CNIH3: variants seen among roughly 807,000 people sequenced by gnomAD.
CNIH3 encodes cornichon family AMPA receptor auxiliary protein 3.
CNIH3 carries 14 observed loss-of-function variants against 24.1 expected under a neutral mutation model. That is an observed-to-expected ratio of 0.58 (90% CI 0.38 to 0.91). CNIH3 has a LOEUF of 0.91. Ranked by LOEUF, CNIH3 falls within the 40% of genes least tolerant of loss-of-function variation. CNIH3 has a pLI of 0.00. For missense variants in CNIH3, 178 were observed against 196.8 expected, an observed-to-expected ratio of 0.90 and a Z score of 0.57; for synonymous variants, 68 against 73.8, an observed-to-expected ratio of 0.92 and a Z score of 0.40.
intron 1 of CNIH3, among the ~76,000 whole-genome samples, chr1:224,644,485 C>T (rs1684506709): frequency 6.6e-6 from 1 of 152,128 alleles, no homozygotes; most frequent in African/African-American, 2.4e-5. Flanking sequence ...CAGGTGATGT[C>T]TGAGGCGATG....
chr1:224,735,878 C>A (rs1483015426), intron 5 of CNIH3, among the ~76,000 whole-genome samples: 5 of 151,868 alleles, frequency 3.3e-5, no homozygotes, highest in Admixed American at 3.3e-4. Context: ...GTTGCCCAGG[C>A]AGGTCTTGAA....
Position 224,536,179 on chromosome 1 carries a change from T to G in CNIH3, n.344-757T>G, listed in dbSNP as rs1034292561. Reference sequence around the variant, plus strand: ...TACCCCTCCCCACCTTTGATTTGACTTTCCAAGGATATGCCTAGTAGAAAA... The same window carrying G: ...TACCCCTCCCCACCTTTGATTTGACGTTCCAAGGATATGCCTAGTAGAAAA... On this transcript the variant is annotated intron_variant and non_coding_transcript_variant, in intron 2 of 2. Coordinates refer to the CNIH3 transcript ENST00000470602. Among the ~76,000 whole-genome samples the G allele has an allele frequency of 5.3e-5, 8 of 152,108 alleles. 1 individual carries two copies. Among genetic ancestry groups the G allele is most frequent in the Non-Finnish European group, 1.2e-4 (8 of 68,008 alleles).
intron 1 of CNIH3, among the ~76,000 whole-genome samples, chr1:224,503,792 G>A (rs913201802): frequency 7.2e-5 from 11 of 152,242 alleles, no homozygotes; most frequent in African/African-American, 2.4e-4. Context: ...AGGGATTGCC[G>A]TGGGAGTGCC....
At chr1:224,559,826 C>T (rs1680289635) in intron 3 of CNIH3, among the ~76,000 whole-genome samples, 2 of 152,118 alleles carry the variant, frequency 1.3e-5, no homozygotes. Context: ...GTAGGCCCTG[C>T]ATACCCCTCC....
At chr1:224,580,944 G>A (rs1681250491) in intron 4 of CNIH3, among the ~76,000 whole-genome samples, 1 of 152,134 alleles carries the variant, frequency 6.6e-6, no homozygotes, top group African/African-American at 2.4e-5. Context: ...GGGTAGATGA[G>A]GACAATTCTA....
At chr1:224,571,656 C>T (rs776680125) in intron 4 of CNIH3, among the ~76,000 whole-genome samples, 14 of 151,980 alleles carry the variant, frequency 9.2e-5, no homozygotes, top group East Asian at 1.9e-4. Context: ...ACCTAGGAGG[C>T]GGAGGTTGCA....
At chr1:224,566,703 A>AT (rs1456805070) in intron 4 of CNIH3, among the ~76,000 whole-genome samples, 1 of 152,082 alleles carries the variant, frequency 6.6e-6, no homozygotes, top group Admixed American at 6.6e-5. Flanking sequence ...TGAACTCATC[A>AT]TTTTTTATGG....
intron 1 of CNIH3, among the ~76,000 whole-genome samples, chr1:224,642,596 G>A (rs928068032): frequency 6.6e-6 from 1 of 152,112 alleles, no homozygotes; most frequent in Non-Finnish European, 1.5e-5. Flanking sequence ...GGCTGAGCCC[G>A]GACTGATTCC....
At chr1:224,572,150 C>A (rs1412792632) in intron 4 of CNIH3, among the ~76,000 whole-genome samples, 1 of 152,130 alleles carries the variant, frequency 6.6e-6, no homozygotes, top group African/African-American at 2.4e-5. Flanking sequence ...GTGTCAAAGG[C>A]AACTAAACTC....
chr1:224,610,418 C>T (rs1176709530), intron 3 of CNIH3, among the ~76,000 whole-genome samples: 1 of 152,296 alleles, frequency 6.6e-6, no homozygotes, highest in South Asian at 2.1e-4. Flanking sequence ...AGTGAGTTCT[C>T]ACAAGATCTG....
In CNIH3 at chr1:224,734,624, G is replaced by A. The variant is rs1365117505; in HGVS notation, c.373G>A (p.Ala125Thr). 6.2e-7 allele frequency: 1 copy of A among 1,613,996 alleles called. No homozygotes were observed. The highest frequency in any genetic ancestry group is 8.5e-7 in the Non-Finnish European group (1 of 1,179,994). ...CTACGACCCACCGGTGGTCATGAAT[G>A]CCGACACTTTGAGTTACTGTCAGAA... ...LAYDPPVVMN[A>T]DTLSYCQKEA... Residue 125 changes from alanine to threonine, a missense_variant, in exon 5 of 6, where the codon GCC becomes ACC. Physicochemically the swap from Ala to Thr is moderately conservative, Grantham distance 58 (BLOSUM62 0). Coordinates refer to ENST00000272133, the MANE Select transcript of CNIH3 (RefSeq NM_152495.2).
intron 1 of CNIH3, among the ~76,000 whole-genome samples, chr1:224,620,302 CAAGGTTGCCT>C (rs1683218841): frequency 6.6e-6 from 1 of 152,228 alleles, no homozygotes. Flanking sequence ...AGAGAGATTA[CAAGGTTGCCT>C]AAGGTTGCAC....
intron 1 of CNIH3, among the ~76,000 whole-genome samples, chr1:224,672,855 C>T (rs900513544): frequency 6.6e-6 from 1 of 152,182 alleles, no homozygotes; most frequent in Non-Finnish European, 1.5e-5. Flanking sequence ...GGTGAGGGAG[C>T]TGTCCCTATT....
At chr1:224,721,570 C>T (rs956432705) in intron 3 of CNIH3, among the ~76,000 whole-genome samples, 2 of 152,170 alleles carry the variant, frequency 1.3e-5, no homozygotes, top group African/African-American at 2.4e-5. Flanking sequence ...ATTTAACAAG[C>T]GTGTGAAGAA....
exon 1 of CNIH3, chr1:224,434,674 G>T (rs1348737808): frequency 1.2e-6 from 1 of 856,124 alleles, no homozygotes; most frequent in South Asian, 5.1e-5. Context: ...GCTGGGCTGA[G>T]CCCCGGCAGT....
intron 3 of CNIH3, among the ~76,000 whole-genome samples, chr1:224,709,176 G>A (rs757734492): frequency 7.9e-5 from 12 of 152,054 alleles, no homozygotes; most frequent in Non-Finnish European, 1.3e-4. Flanking sequence ...CTAAGTGTGG[G>A]CCCTCCCCAG....
chr1:224,516,469 G>C (rs561525877), intron 1 of CNIH3, among the ~76,000 whole-genome samples: 9 of 152,264 alleles, frequency 5.9e-5, no homozygotes, highest in African/African-American at 2.2e-4. Context: ...GAACCTTAGA[G>C]GGCAGGTATG....
At chr1:224,441,064 C>G (rs377641061) in intron 1 of CNIH3, among the ~76,000 whole-genome samples, 1 of 152,190 alleles carries the variant, frequency 6.6e-6, no homozygotes, top group Non-Finnish European at 1.5e-5. Context: ...GATCCGCCCC[C>G]CTCGGCCTCC....
At position 224,616,596 on chromosome 1, in the gene CNIH3, G is replaced by T; in HGVS notation, c.-579G>T. The T allele has an allele frequency of 1.0e-6, 1 of 986,668 alleles. No individual in the cohort carries two copies. The highest frequency in any genetic ancestry group is 1.2e-6 in the Non-Finnish European group (1 of 830,852). The allele number at this position is 986,668 out of a possible 1,614,324, so 61.1% of individuals were successfully genotyped here. Reference sequence around the variant, plus strand: ...GGACCAACGGGACCTACCTCCTCCCGGCTACCTAAAGACTCCTTCTCTCGG... The same window carrying T: ...GGACCAACGGGACCTACCTCCTCCCTGCTACCTAAAGACTCCTTCTCTCGG... On this transcript the variant is annotated 5_prime_UTR_variant, in exon 1 of 6. Coordinates refer to ENST00000272133, the MANE Select transcript of CNIH3 (RefSeq NM_152495.2).
Sources: gnomAD v4.1 joint callset for allele counts (sites outside exome capture counted in the v4.1 genomes callset) on GRCh38, gnomAD v4.1.1 for gene constraint, MANE v1.5 for transcripts, NCBI Gene and HGNC (gene_info 2026-07-23, HGNC 2026-07-21) for gene names.